Variants in KCND2 observed in about 807,000 individuals in gnomAD.
KCND2 encodes potassium voltage-gated channel subfamily D member 2, also known as A-type voltage-gated potassium channel KCND2.
In KCND2, 16 loss-of-function variants were observed where a neutral mutation model predicts 54.4. The observed-to-expected ratio is 0.29, with a 90% CI of 0.20 to 0.45. The LOEUF is 0.45. KCND2 is among the 20% of genes least tolerant of loss of function. The probability of loss-of-function intolerance (pLI) is 1.00; values close to 1 mark genes in which losing one functional copy is unlikely to be tolerated. For missense variants in KCND2, 486 were observed against 824.2 expected, an observed-to-expected ratio of 0.59 and a Z score of 5.02; for synonymous variants, 317 against 310.7, an observed-to-expected ratio of 1.02 and a Z score of -0.21.
intron 1 of KCND2, among the ~76,000 whole-genome samples, chr7:120,315,026 G>A (rs1799792784): frequency 6.6e-6 from 1 of 151,474 alleles, no homozygotes; most frequent in Non-Finnish European, 1.5e-5. Flanking sequence ...GATATAAAAA[G>A]TACAATTGTT....
At chr7:120,394,379 T>TG (rs1801122513) in intron 1 of KCND2, among the ~76,000 whole-genome samples, 1 of 151,970 alleles carries the variant, frequency 6.6e-6, no homozygotes, top group Non-Finnish European at 1.5e-5. Flanking sequence ...TGAGTCCTGA[T>TG]GGGGTCAGCC....
At chr7:120,526,867 A>T (rs1476478429) in intron 1 of KCND2, among the ~76,000 whole-genome samples, 2 of 152,124 alleles carry the variant, frequency 1.3e-5, no homozygotes, top group Non-Finnish European at 2.9e-5. Flanking sequence ...TTTCAGAAGG[A>T]AAATAAGCTG....
chr7:120,586,583 G>C (rs965746558), intron 1 of KCND2, among the ~76,000 whole-genome samples: 86 of 152,116 alleles, frequency 5.7e-4, no homozygotes, highest in African/African-American at 2.0e-3. Flanking sequence ...TTTCTTTACT[G>C]TATGAGTCCG....
At chr7:120,667,603 A>G (rs1188110770) in intron 1 of KCND2, among the ~76,000 whole-genome samples, 1 of 152,014 alleles carries the variant, frequency 6.6e-6, no homozygotes. Context: ...CCCATATTCC[A>G]TTCCTAAGAG....
intron 1 of KCND2, among the ~76,000 whole-genome samples, chr7:120,545,132 G>A (rs1792027878): frequency 6.6e-6 from 1 of 151,836 alleles, no homozygotes; most frequent in Non-Finnish European, 1.5e-5. Context: ...CCTAAAACAT[G>A]TATTTCAAAG....
chr7:120,730,035 A>G (rs1473934684), intron 1 of KCND2, among the ~76,000 whole-genome samples: 1 of 152,182 alleles, frequency 6.6e-6, no homozygotes, highest in Non-Finnish European at 1.5e-5. Context: ...CAAAAAGTAA[A>G]CAGTAAATAA....
intron 1 of KCND2, among the ~76,000 whole-genome samples, chr7:120,553,448 TCCA>T (rs1417325170): frequency 6.6e-6 from 1 of 152,248 alleles, no homozygotes; most frequent in African/African-American, 2.4e-5. Context: ...CTTAGTTGTT[TCCA>T]AAATCTTGGT....
intron 1 of KCND2, among the ~76,000 whole-genome samples, chr7:120,314,108 C>T (rs182226113): frequency 2.0e-5 from 3 of 149,748 alleles, no homozygotes; most frequent in Admixed American, 2.0e-4. Context: ...CTTCTACTTG[C>T]TTCAAAAAGA....
At chr7:120,313,390 A>G (rs1799767968) in intron 1 of KCND2, among the ~76,000 whole-genome samples, 1 of 152,206 alleles carries the variant, frequency 6.6e-6, no homozygotes, top group Non-Finnish European at 1.5e-5. Flanking sequence ...TTGTTTCATT[A>G]TAAAGGTAAA....
chr7:120,665,539 C>T (rs551481066), intron 1 of KCND2, among the ~76,000 whole-genome samples: 2 of 152,160 alleles, frequency 1.3e-5, no homozygotes, highest in Non-Finnish European at 2.9e-5. Context: ...ATGTCAACAG[C>T]TTTCATTCCT....
intron 1 of KCND2, among the ~76,000 whole-genome samples, chr7:120,723,553 A>G (rs916810742): frequency 2.0e-5 from 3 of 152,166 alleles, no homozygotes; most frequent in Non-Finnish European, 4.4e-5. Flanking sequence ...AGTTATTTGT[A>G]TTTTAAAATG....
At chr7:120,521,639 A>C (rs968284350) in intron 1 of KCND2, among the ~76,000 whole-genome samples, 1 of 152,212 alleles carries the variant, frequency 6.6e-6, no homozygotes, top group Non-Finnish European at 1.5e-5. Flanking sequence ...CCCTTACCTC[A>C]TAGTGCTGTT....
chr7:120,284,115 A>T (rs1799303950), intron 1 of KCND2, among the ~76,000 whole-genome samples: 1 of 152,190 alleles, frequency 6.6e-6, no homozygotes, highest in Non-Finnish European at 1.5e-5. Context: ...AGATGAACAA[A>T]TTGTGAAAAT....
In KCND2 at chr7:120,623,274, T is replaced by TTAA. The variant is rs570649566; in HGVS notation, c.1116-109627_1116-109625dup. Reference sequence around the variant, plus strand: ...ATCAGAAAATAAGCGTGTATTATTATTAATGGTATTTCATGGCATTAATAG... The same window carrying TTAA: ...ATCAGAAAATAAGCGTGTATTATTATTAATAATGGTATTTCATGGCATTAATAG... On this transcript the variant is annotated intron_variant, in intron 1 of 5. Transcript: ENST00000331113. Among the ~76,000 whole-genome samples the TTAA allele has an allele frequency of 3.5e-3, 526 of 152,330 alleles. 3 individuals are homozygous for TTAA. Among genetic ancestry groups the TTAA allele is most frequent in the African/African-American group, 0.012 (506 of 41,572 alleles).
chr7:120,708,119 G>T, intron 1 of KCND2, among the ~76,000 whole-genome samples: 1 of 152,122 alleles, frequency 6.6e-6, no homozygotes, highest in East Asian at 1.9e-4. Context: ...TCAAAGAGCA[G>T]AAAGACACTT....
intron 1 of KCND2, among the ~76,000 whole-genome samples, chr7:120,630,607 A>G (rs1793222230): frequency 1.3e-5 from 2 of 152,146 alleles, no homozygotes. Context: ...TCTATAATCT[A>G]TAATCTATAA....
At chr7:120,629,639 T>C (rs1049132253) in intron 1 of KCND2, among the ~76,000 whole-genome samples, 5 of 152,072 alleles carry the variant, frequency 3.3e-5, no homozygotes, top group Admixed American at 2.6e-4. Flanking sequence ...AACGATGGGG[T>C]CAAGGTGGAC....
chr7:120,732,042 G>T (rs1230357573), intron 1 of KCND2, among the ~76,000 whole-genome samples: 1 of 152,104 alleles, frequency 6.6e-6, no homozygotes, highest in Admixed American at 6.6e-5. Context: ...CTCAAGATAT[G>T]AATCTGATTT....
chr7:120,639,616 A>G (rs1584865151), intron 1 of KCND2, among the ~76,000 whole-genome samples: 1 of 152,220 alleles, frequency 6.6e-6, no homozygotes, highest in Non-Finnish European at 1.5e-5. Flanking sequence ...ATACTGAAAT[A>G]TTAAAGTCAG....
Sources: gnomAD v4.1 joint callset for allele counts (sites outside exome capture counted in the v4.1 genomes callset) on GRCh38, gnomAD v4.1.1 for gene constraint, MANE v1.5 for transcripts, NCBI Gene and HGNC (gene_info 2026-07-23, HGNC 2026-07-21) for gene names.